SUCLG2: variants seen among roughly 807,000 people sequenced by gnomAD.
SUCLG2 encodes the protein succinate-CoA ligase GDP-forming subunit beta, also known as succinate--CoA ligase [GDP-forming] subunit beta, mitochondrial.
SUCLG2 carries 42 observed loss-of-function variants against 47.9 expected under a neutral mutation model. The ratio of observed to expected loss-of-function variants is 0.88; its 90% CI spans 0.69 to 1.14. The LOEUF is 1.14. Ranked by LOEUF, SUCLG2 falls within the 50% of genes most tolerant of loss-of-function variation. The probability of loss-of-function intolerance (pLI) is 0.00; values close to 1 mark genes in which losing one functional copy is unlikely to be tolerated. For synonymous variants in SUCLG2, 195 were observed against 197.3 expected (o/e 0.99, Z 0.10); for missense variants, 571 against 525.9 (o/e 1.09, Z -0.84).
chr3:67,494,467 TA>T (rs201307715), intron 9 of SUCLG2, among the ~76,000 whole-genome samples: 1 of 150,446 alleles, frequency 6.6e-6, no homozygotes, highest in Non-Finnish European at 1.5e-5. Flanking sequence ...AGACAAAAAA[TA>T]AAAAAAAATT....
intron 7 of SUCLG2, among the ~76,000 whole-genome samples, chr3:67,504,003 T>C (rs543932639): frequency 2.0e-5 from 3 of 152,060 alleles, no homozygotes; most frequent in Non-Finnish European, 4.4e-5. Context: ...AAAAGGAACA[T>C]AAAACAGCAG....
At chr3:67,612,491 TATA>T (rs1423572399) in intron 1 of SUCLG2, among the ~76,000 whole-genome samples, 1 of 152,132 alleles carries the variant, frequency 6.6e-6, no homozygotes, top group Non-Finnish European at 1.5e-5. Context: ...GGAAATGTAA[TATA>T]AACTGCTGAA....
chr3:67,442,072 G>A (rs1559527843), intron 9 of SUCLG2, among the ~76,000 whole-genome samples: 1 of 145,344 alleles, frequency 6.9e-6, no homozygotes, highest in East Asian at 2.0e-4. Flanking sequence ...GTGCAGTGGC[G>A]GGATCTCAGC....
intron 9 of SUCLG2, among the ~76,000 whole-genome samples, chr3:67,422,472 T>TAAAAAAAAAAAAAAAAAAAA (rs1559520249): frequency 8.1e-5 from 1 of 12,342 alleles, no homozygotes; most frequent in African/African-American, 3.7e-4. Flanking sequence ...AGACTCCATC[T>TAAAAAAAAAAAAAAAAAAAA]CAAAAAAAAA....
intron 9 of SUCLG2, among the ~76,000 whole-genome samples, chr3:67,403,643 G>A (rs1702739423): frequency 6.6e-6 from 1 of 152,154 alleles, no homozygotes; most frequent in African/African-American, 2.4e-5. Flanking sequence ...GGTGATGCAG[G>A]CTGCTGACAT....
chr3:67,496,588 C>T (rs1264941968), intron 8 of SUCLG2, among the ~76,000 whole-genome samples: 1 of 152,134 alleles, frequency 6.6e-6, no homozygotes, highest in Non-Finnish European at 1.5e-5. Flanking sequence ...TCCCCTTGTT[C>T]CTCTTTCAAA....
intron 2 of SUCLG2, among the ~76,000 whole-genome samples, chr3:67,550,860 T>C (rs559746512): frequency 6.8e-6 from 1 of 147,736 alleles, no homozygotes; most frequent in African/African-American, 2.5e-5. Context: ...AAGCTGATAA[T>C]AAAAGTGCTT....
intron 2 of SUCLG2, among the ~76,000 whole-genome samples, chr3:67,566,401 A>T (rs984069421): frequency 1.4e-4 from 22 of 152,154 alleles, no homozygotes; most frequent in African/African-American, 5.1e-4. Flanking sequence ...TGTTAATGTT[A>T]AAAAAAGCTG....
chr3:67,523,917 A>G (rs189085435), intron 4 of SUCLG2, among the ~76,000 whole-genome samples: 3 of 152,330 alleles, frequency 2.0e-5, no homozygotes, highest in Non-Finnish European at 1.5e-5. Flanking sequence ...ATCTTCAAAA[A>G]TGTTGACAGA....
chr3:67,565,774 G>A (rs924745790), intron 2 of SUCLG2, among the ~76,000 whole-genome samples: 2 of 152,158 alleles, frequency 1.3e-5, no homozygotes, highest in East Asian at 1.9e-4. Context: ...TCTCACTAGC[G>A]CCTAGCACCT....
chr3:67,529,453 C>A (rs1319732285), intron 2 of SUCLG2, among the ~76,000 whole-genome samples: 3 of 152,192 alleles, frequency 2.0e-5, no homozygotes, highest in Non-Finnish European at 4.4e-5. Context: ...GACATGTGTT[C>A]CCTTGCTCTT....
Position 67,520,500 on chromosome 3 carries a change from G to A in SUCLG2, c.552C>T (p.Asn184=). The change falls in exon 5 of 11, where the codon AAC becomes AAT. Residue 184 remains asparagine (N), a synonymous_variant. Coordinates refer to ENST00000307227, the MANE Select transcript of SUCLG2 (RefSeq NM_003848.4). The part of the protein sequence containing the change: ...GVDIEEVAAS[N]PELIFKEQID... ...AACATACCTTAAAAATGAGCTCCGGGTTTGAAGCAGCCACCTCTTCAATGT... is the reference window on the plus strand; with the variant it reads ...AACATACCTTAAAAATGAGCTCCGGATTTGAAGCAGCCACCTCTTCAATGT... 3.7e-6 allele frequency: 6 copies of A among 1,614,094 alleles called. No homozygotes were observed. The highest frequency in any genetic ancestry group is 2.2e-5 in the East Asian group (1 of 44,874).
chr3:67,361,444 T>C (rs991049824), intron 10 of SUCLG2, among the ~76,000 whole-genome samples: 45 of 152,096 alleles, frequency 3.0e-4, no homozygotes, highest in Admixed American at 6.5e-5. Flanking sequence ...TCTCAAGATG[T>C]GGGTTATGTG....
chr3:67,634,337 C>T (rs1415543675), intron 1 of SUCLG2, among the ~76,000 whole-genome samples: 1 of 152,084 alleles, frequency 6.6e-6, no homozygotes, highest in East Asian at 1.9e-4. Flanking sequence ...AATCCCAGCA[C>T]TTTGGGAGGC....
At chr3:67,587,850 A>C (rs1254782391) in intron 2 of SUCLG2, among the ~76,000 whole-genome samples, 1 of 152,188 alleles carries the variant, frequency 6.6e-6, no homozygotes, top group Non-Finnish European at 1.5e-5. Flanking sequence ...AGACTCTTAA[A>C]GCTTCTACCA....
intron 1 of SUCLG2, among the ~76,000 whole-genome samples, chr3:67,637,229 C>A (rs1470557742): frequency 6.6e-6 from 1 of 152,156 alleles, no homozygotes; most frequent in African/African-American, 2.4e-5. Flanking sequence ...AAAGGGATAT[C>A]AGACAGGCTA....
chr3:67,395,963 T>C (rs1252420587), intron 10 of SUCLG2, among the ~76,000 whole-genome samples: 1 of 152,156 alleles, frequency 6.6e-6, no homozygotes, highest in Non-Finnish European at 1.5e-5. Context: ...AAGATGTTTT[T>C]TGAAACCAAC....
intron 1 of SUCLG2, among the ~76,000 whole-genome samples, chr3:67,616,981 G>A (rs1575819667): frequency 6.6e-6 from 1 of 152,294 alleles, no homozygotes; most frequent in East Asian, 1.9e-4. Context: ...GTGGGCTGTG[G>A]CAAGTCAAAA....
chr3:67,600,138 G>A (rs896441380), intron 2 of SUCLG2, among the ~76,000 whole-genome samples: 1 of 152,064 alleles, frequency 6.6e-6, no homozygotes, highest in South Asian at 2.1e-4. Context: ...CATCTACTTA[G>A]AAAATATCAA....
Sources: allele counts gnomAD v4.1 joint callset (sites outside exome capture counted in the v4.1 genomes callset), GRCh38; gene constraint gnomAD v4.1.1; transcripts MANE v1.5; gene names NCBI Gene and HGNC (gene_info 2026-07-23, HGNC 2026-07-21).